Variants in TAS2R1 observed in about 807,000 individuals in gnomAD.
The protein encoded by TAS2R1 is taste receptor type 2 member 1.
For missense variants in TAS2R1, 370 were observed against 353.4 expected, an observed-to-expected ratio of 1.05 and a Z score of -0.38; for synonymous variants, 141 against 134.2, an observed-to-expected ratio of 1.05 and a Z score of -0.35.
At chr5:9,771,062 T>C in the TAS2R1 span, among the ~76,000 whole-genome samples, 1 of 152,166 alleles carries the variant, frequency 6.6e-6, no homozygotes, top group Admixed American at 6.5e-5. Context: ...GTGTGTTGAG[T>C]TATGTTCTTC....
intron 2 of TAS2R1, among the ~76,000 whole-genome samples, chr5:9,650,791 T>G (rs1740289400): frequency 6.6e-6 from 1 of 152,174 alleles, no homozygotes; most frequent in African/African-American, 2.4e-5. Context: ...ATCCAACATA[T>G]TTTCTGTCCC....
intron 1 of TAS2R1, among the ~76,000 whole-genome samples, chr5:9,695,576 G>T (rs1741340136): frequency 6.6e-6 from 1 of 152,134 alleles, no homozygotes. Flanking sequence ...TTAAAAAGCG[G>T]CTTGGGTGCA....
At chr5:9,838,003 T>TCA in the TAS2R1 span, among the ~76,000 whole-genome samples, 2 of 152,204 alleles carry the variant, frequency 1.3e-5, no homozygotes, top group Non-Finnish European at 2.9e-5. Context: ...CATTGCTTCC[T>TCA]CAGTTGGATC....
At chr5:9,634,071 T>TTTAG (rs1162558749), upstream of TAS2R1, among the ~76,000 whole-genome samples, 1 of 152,144 alleles carries the variant, frequency 6.6e-6, no homozygotes, top group Non-Finnish European at 1.5e-5. Flanking sequence ...CTTTTATGGT[T>TTTAG]TTAGGTGTTA....
intron 1 of TAS2R1, among the ~76,000 whole-genome samples, chr5:9,711,224 C>T (rs55895666): frequency 0.036 from 5,475 of 151,968 alleles, 327 homozygotes; most frequent in African/African-American, 0.12. Flanking sequence ...CCATGTTCAC[C>T]GCAGCATTAT....
chr5:9,888,805 G>A, the TAS2R1 span, among the ~76,000 whole-genome samples: 1 of 152,192 alleles, frequency 6.6e-6, no homozygotes, highest in Non-Finnish European at 1.5e-5. Context: ...ACCACATGAG[G>A]GTGGGTGGGG....
At chr5:9,825,296 G>A in the TAS2R1 span, among the ~76,000 whole-genome samples, 1 of 152,182 alleles carries the variant, frequency 6.6e-6, no homozygotes, top group Non-Finnish European at 1.5e-5. Context: ...AATCACAGCA[G>A]AAGAGCATGG....
intron 1 of TAS2R1, among the ~76,000 whole-genome samples, chr5:9,677,584 T>C (rs1740900767): frequency 6.6e-6 from 1 of 152,134 alleles, no homozygotes; most frequent in Non-Finnish European, 1.5e-5. Context: ...ATAATCAGCA[T>C]CATACATGAT....
the TAS2R1 span, among the ~76,000 whole-genome samples, chr5:9,866,331 A>G: frequency 6.6e-6 from 1 of 152,184 alleles, no homozygotes; most frequent in Non-Finnish European, 1.5e-5. Flanking sequence ...TCCATGTACA[A>G]TAACTCCAAT....
the TAS2R1 span, among the ~76,000 whole-genome samples, chr5:9,853,967 GTC>G: frequency 1.3e-5 from 2 of 152,268 alleles, no homozygotes; most frequent in East Asian, 3.9e-4. Context: ...AACTCACACA[GTC>G]TCCCTGTACT....
At chr5:9,892,910 T>G in the TAS2R1 span, among the ~76,000 whole-genome samples, 1 of 152,222 alleles carries the variant, frequency 6.6e-6, no homozygotes, top group Non-Finnish European at 1.5e-5. Flanking sequence ...TGCATTCATT[T>G]GCCCTTGTGG....
chr5:9,827,727 G>A, the TAS2R1 span, among the ~76,000 whole-genome samples: 5 of 152,162 alleles, frequency 3.3e-5, no homozygotes, highest in African/African-American at 9.7e-5. Flanking sequence ...AGGCTACAGT[G>A]AGCCATGATC....
the TAS2R1 span, among the ~76,000 whole-genome samples, chr5:9,795,118 A>G: frequency 2.1e-4 from 32 of 152,186 alleles, no homozygotes; most frequent in African/African-American, 7.2e-4. Flanking sequence ...ACTGTATCAT[A>G]TAGTCAACTG....
intron 1 of TAS2R1, among the ~76,000 whole-genome samples, chr5:9,696,548 C>T (rs961733214): frequency 2.0e-5 from 3 of 151,008 alleles, no homozygotes; most frequent in Admixed American, 6.6e-5. Flanking sequence ...GGTGACAGAG[C>T]GAGATGCCAT....
chr5:9,799,284 T>C, the TAS2R1 span, among the ~76,000 whole-genome samples: 1 of 152,238 alleles, frequency 6.6e-6, no homozygotes, highest in Non-Finnish European at 1.5e-5. Flanking sequence ...GTGTCATGCA[T>C]AGTGCAAACT....
the TAS2R1 span, among the ~76,000 whole-genome samples, chr5:9,722,227 G>A: frequency 1.3e-5 from 2 of 152,344 alleles, no homozygotes; most frequent in Admixed American, 1.3e-4. Flanking sequence ...GACCCCTGAG[G>A]CCACCATGTC....
At chr5:9,716,201 G>A (rs4702640), upstream of TAS2R1, among the ~76,000 whole-genome samples, 429 of 152,254 alleles carry the variant, frequency 2.8e-3, 9 homozygotes, top group Admixed American at 0.024. Context: ...CGCTGGGGAG[G>A]AGCCTCGGGA....
chr5:9,894,391 T>TCAAAAACAAAAA, the TAS2R1 span, among the ~76,000 whole-genome samples: 132,232 of 146,990 alleles, frequency 0.9, 59,012 homozygotes, highest in East Asian at 0.95. Flanking sequence ...AGACTCTGTC[T>TCAAAAACAAAAA]CAAAAACAAA....
the TAS2R1 span, among the ~76,000 whole-genome samples, chr5:9,766,963 T>G: frequency 6.6e-6 from 1 of 152,046 alleles, no homozygotes; most frequent in East Asian, 1.9e-4. Context: ...CATCCTATGC[T>G]CTCTTCTCTC....
Sources: allele counts gnomAD v4.1 joint callset (sites outside exome capture counted in the v4.1 genomes callset), GRCh38; gene constraint gnomAD v4.1.1; transcripts MANE v1.5; gene names NCBI Gene and HGNC (gene_info 2026-07-23, HGNC 2026-07-21).